Variants in AFF2 observed in about 807,000 individuals in gnomAD.
The protein encoded by AFF2 is AF4/FMR2 family member 2.
In AFF2, 14 loss-of-function variants were observed where a neutral mutation model predicts 76.9. The ratio of observed to expected loss-of-function variants is 0.18; its 90% CI spans 0.12 to 0.28. The LOEUF (loss-of-function observed/expected upper bound fraction) is 0.28. Ranked by LOEUF, AFF2 falls within the 10% of genes least tolerant of loss-of-function variation. AFF2 has a pLI of 1.00. For missense variants in AFF2, 868 were observed against 1,001.1 expected, an observed-to-expected ratio of 0.87 and a Z score of 1.79; for synonymous variants, 398 against 366.7, an observed-to-expected ratio of 1.09 and a Z score of -0.98.
chrX:148,636,674 G>T (rs12559076), intron 1 of AFF2, among the ~76,000 whole-genome samples: 1 of 111,257 alleles, frequency 9.0e-6, no homozygotes, highest in African/African-American at 3.3e-5. Flanking sequence ...AGATTGGCTA[G>T]CAATTTTCCA....
chrX:148,564,141 T>G (rs1171415886), intron 1 of AFF2, among the ~76,000 whole-genome samples: 1 of 111,937 alleles, frequency 8.9e-6, no homozygotes, highest in African/African-American at 3.2e-5. Flanking sequence ...TGTTGAAATA[T>G]TCAATAAATC....
intron 9 of AFF2, among the ~76,000 whole-genome samples, chrX:148,941,941 C>T (rs1398907780): frequency 9.1e-6 from 1 of 110,275 alleles, no homozygotes; most frequent in African/African-American, 3.3e-5. Context: ...GAAGTATTTT[C>T]TTATAACAAG....
chrX:148,539,412 C>T (rs899574045), intron 1 of AFF2, among the ~76,000 whole-genome samples: 5 of 111,194 alleles, frequency 4.5e-5, no homozygotes, highest in African/African-American at 9.8e-5. Flanking sequence ...TAGTGCCTCT[C>T]GGTTTCCTCA....
At chrX:148,719,134 C>A in intron 3 of AFF2, 1 of 1,134,692 alleles carries the variant, frequency 8.8e-7, no homozygotes, top group Non-Finnish European at 1.2e-6. Flanking sequence ...AGTGGCCCAT[C>A]TATCTATCCC....
chrX:148,833,001 C>A (rs782314373), intron 4 of AFF2, among the ~76,000 whole-genome samples: 3 of 111,669 alleles, frequency 2.7e-5, no homozygotes, highest in Non-Finnish European at 5.6e-5. Flanking sequence ...AGTTTGAGCT[C>A]TTTTACAGTA....
At chrX:148,545,059 ATATT>A (rs1168279307) in intron 1 of AFF2, among the ~76,000 whole-genome samples, 1 of 111,884 alleles carries the variant, frequency 8.9e-6, no homozygotes, top group Admixed American at 9.5e-5. Flanking sequence ...GGAATCATGG[ATATT>A]TATTTTATTC....
chrX:148,849,369 C>T (rs2070705944), intron 7 of AFF2, among the ~76,000 whole-genome samples: 1 of 3,747 alleles, frequency 2.7e-4, no homozygotes, highest in Non-Finnish European at 1.2e-3. Flanking sequence ...TCTCTCCTCC[C>T]CCCCCCCCCC....
intron 2 of AFF2, among the ~76,000 whole-genome samples, chrX:148,655,802 G>T (rs1244323885): frequency 2.7e-5 from 3 of 111,372 alleles, no homozygotes; most frequent in African/African-American, 9.8e-5. Context: ...TATCCTTGGA[G>T]TATCTGGACA....
chrX:148,528,610 G>A (rs1212569507), intron 1 of AFF2, among the ~76,000 whole-genome samples: 1 of 111,515 alleles, frequency 9.0e-6, no homozygotes, highest in Non-Finnish European at 1.9e-5. Flanking sequence ...TCTGGAACTA[G>A]GGAGAGAAGT....
intron 3 of AFF2, among the ~76,000 whole-genome samples, chrX:148,666,324 C>T (rs920176936): frequency 1.1e-4 from 12 of 111,523 alleles, no homozygotes; most frequent in Non-Finnish European, 1.9e-5. Flanking sequence ...CAGTGGCTCA[C>T]GCCTGTAATC....
At chrX:148,802,372 T>C (rs1228496624) in intron 3 of AFF2, among the ~76,000 whole-genome samples, 3 of 112,297 alleles carry the variant, frequency 2.7e-5, no homozygotes, top group African/African-American at 9.7e-5. Flanking sequence ...TTCTGTATTT[T>C]GAACAAACTG....
At chrX:148,588,304 G>A (rs1332187522) in intron 1 of AFF2, among the ~76,000 whole-genome samples, 4 of 112,862 alleles carry the variant, frequency 3.5e-5, no homozygotes, top group African/African-American at 6.4e-5. Flanking sequence ...TAGTGCCATC[G>A]CTTTAAGGGT....
chrX:148,795,643 AT>A (rs782256665), intron 3 of AFF2, among the ~76,000 whole-genome samples: 270 of 100,212 alleles, frequency 2.7e-3, no homozygotes, highest in Middle Eastern at 0.01. Flanking sequence ...TCTACTAATA[AT>A]ACAAAAAAAT....
chrX:148,560,011 A>G (rs996529903), intron 1 of AFF2, among the ~76,000 whole-genome samples: 2 of 111,460 alleles, frequency 1.8e-5, no homozygotes, highest in South Asian at 3.8e-4. Flanking sequence ...TTTTATTTGC[A>G]TTTCTCTAAT....
At chrX:148,897,478 G>A (rs2124187199) in intron 8 of AFF2, among the ~76,000 whole-genome samples, 1 of 104,270 alleles carries the variant, frequency 9.6e-6, no homozygotes, top group East Asian at 3.1e-4. Context: ...AAAGCAGTCA[G>A]TTAGTATTTA....
At chrX:148,665,311 C>T (rs1200911327) in intron 3 of AFF2, among the ~76,000 whole-genome samples, 10 of 112,034 alleles carry the variant, frequency 8.9e-5, no homozygotes, top group African/African-American at 1.6e-4. Flanking sequence ...GCTCTGGAGA[C>T]GATTATCCCA....
At chrX:148,907,538 G>A (rs1468533936) in intron 9 of AFF2, among the ~76,000 whole-genome samples, 2 of 111,466 alleles carry the variant, frequency 1.8e-5, no homozygotes, top group East Asian at 5.7e-4. Flanking sequence ...GACATCACAT[G>A]TCAACAGGTT....
intron 4 of AFF2, among the ~76,000 whole-genome samples, chrX:148,810,270 G>T (rs1167413935): frequency 9.0e-6 from 1 of 111,692 alleles, no homozygotes; most frequent in South Asian, 3.8e-4. Context: ...CACTGCTGCC[G>T]CCCACTATGT....
chrX:148,617,577 G>A (rs571816238), intron 1 of AFF2, among the ~76,000 whole-genome samples: 1 of 112,234 alleles, frequency 8.9e-6, no homozygotes, highest in East Asian at 2.8e-4. Flanking sequence ...AGTTGAATTA[G>A]ATCCCATTTG....
Sources: allele counts gnomAD v4.1 joint callset (sites outside exome capture counted in the v4.1 genomes callset), GRCh38; gene constraint gnomAD v4.1.1; transcripts MANE v1.5; gene names NCBI Gene and HGNC (gene_info 2026-07-23, HGNC 2026-07-21).